Variants in RALYL observed in about 807,000 individuals in gnomAD.
The protein encoded by RALYL is RALY RNA binding protein like, also known as RNA-binding Raly-like protein.
In RALYL, 29 loss-of-function variants were observed where a neutral mutation model predicts 35.1. The ratio of observed to expected loss-of-function variants is 0.83; its 90% CI spans 0.61 to 1.13. The LOEUF is 1.13. Ranked by LOEUF, RALYL falls within the 50% of genes most tolerant of loss-of-function variation. The pLI, the probability that RALYL is intolerant of heterozygous loss-of-function variation, is 0.00. For synonymous variants in RALYL, 120 were observed against 127.6 expected, an observed-to-expected ratio of 0.94 and a Z score of 0.40; for missense variants, 359 against 360.4, an observed-to-expected ratio of 1.00 and a Z score of 0.03.
At chr8:84,730,384 T>G (rs998055373) in intron 2 of RALYL, among the ~76,000 whole-genome samples, 1 of 152,156 alleles carries the variant, frequency 6.6e-6, no homozygotes. Flanking sequence ...GGGATGTATC[T>G]CAAAATAATA....
rs370575816 is a variant in RALYL, at chr8:84,608,932, CT to C, written c.256+79364del. On this transcript the variant is annotated intron_variant, in intron 2 of 8. Transcript: ENST00000521268. Reference sequence around the variant, plus strand: ...CTCAAAGAGTGTAACATCTAATAGGCTTTTTTTTTCTTTTTTGTAAATGTGG... The same window carrying C: ...CTCAAAGAGTGTAACATCTAATAGGCTTTTTTTTCTTTTTTGTAAATGTGG... Among the ~76,000 whole-genome samples the C allele has an allele frequency of 1.2e-3, 180 of 151,416 alleles. 1 individual carries two copies. Among genetic ancestry groups the C allele is most frequent in the African/African-American group, 4.0e-3 (165 of 41,242 alleles).
intron 1 of RALYL, among the ~76,000 whole-genome samples, chr8:84,185,395 C>T (rs2130798108): frequency 6.6e-6 from 1 of 152,274 alleles, no homozygotes; most frequent in African/African-American, 2.4e-5. Context: ...GTTGGTAGCA[C>T]TGACGTATTC....
At chr8:84,380,057 TTGTGTGTGTGTG>T (rs60900204) in intron 1 of RALYL, among the ~76,000 whole-genome samples, 10 of 147,116 alleles carry the variant, frequency 6.8e-5, no homozygotes, top group African/African-American at 2.5e-4. Context: ...CTTCTCAAAA[TTGTGTGTGTGTG>T]TGTGTGTGTG....
intron 2 of RALYL, among the ~76,000 whole-genome samples, chr8:84,541,792 A>G (rs1051748821): frequency 6.6e-5 from 10 of 152,100 alleles, no homozygotes; most frequent in Non-Finnish European, 1.5e-5. Flanking sequence ...ATCCTTTCAT[A>G]TAGTATGATA....
intron 2 of RALYL, among the ~76,000 whole-genome samples, chr8:84,640,643 A>G (rs1439046824): frequency 6.6e-6 from 1 of 151,944 alleles, no homozygotes; most frequent in Non-Finnish European, 1.5e-5. Flanking sequence ...TCAGGCCACA[A>G]CAATAGTTAC....
chr8:84,337,683 G>A (rs1428141955), intron 1 of RALYL, among the ~76,000 whole-genome samples: 5 of 152,036 alleles, frequency 3.3e-5, no homozygotes, highest in African/African-American at 1.2e-4. Flanking sequence ...AGTCATTTTT[G>A]ATGTGGAATA....
chr8:84,872,477 A>C (rs1473279321), intron 6 of RALYL: 2 of 152,202 alleles, frequency 1.3e-5, no homozygotes, highest in African/African-American at 4.8e-5. Context: ...TTCTTTCCTT[A>C]AGCCTTTTTC....
chr8:84,716,653 C>CT (rs1195598498), intron 2 of RALYL, among the ~76,000 whole-genome samples: 1 of 152,128 alleles, frequency 6.6e-6, no homozygotes, highest in African/African-American at 2.4e-5. Context: ...CCTAAAGAAG[C>CT]TGTACCAGTA....
chr8:84,738,724 A>G (rs1191043520), intron 2 of RALYL, among the ~76,000 whole-genome samples: 1 of 152,030 alleles, frequency 6.6e-6, no homozygotes, highest in Non-Finnish European at 1.5e-5. Flanking sequence ...CCATAACTCT[A>G]GATATCTTGA....
intron 8 of RALYL, among the ~76,000 whole-genome samples, chr8:84,917,117 T>C (rs1254083127): frequency 6.6e-6 from 1 of 152,188 alleles, no homozygotes; most frequent in Non-Finnish European, 1.5e-5. Flanking sequence ...TTTTTATCTT[T>C]CCATTTCTGT....
intron 2 of RALYL, among the ~76,000 whole-genome samples, chr8:84,683,465 G>A (rs1168805171): frequency 6.6e-6 from 1 of 152,060 alleles, no homozygotes; most frequent in East Asian, 1.9e-4. Flanking sequence ...CATTATTATA[G>A]TGTAGCAGTC....
intron 1 of RALYL, among the ~76,000 whole-genome samples, chr8:84,512,813 C>T (rs955442593): frequency 6.6e-6 from 1 of 152,110 alleles, no homozygotes; most frequent in Non-Finnish European, 1.5e-5. Flanking sequence ...GTTCTGGCAC[C>T]TTTGTTGAAA....
rs189603245 is a variant in RALYL, at chr8:84,388,477, A to G, written c.-23-140822A>G. On this transcript the variant is annotated intron_variant, in intron 1 of 8. Coordinates refer to ENST00000521268, the MANE Select transcript of RALYL (RefSeq NM_173848.7). ...CCACCAACAGTGTAAAAGTGTTTCTATTTCTCCACATCCTCTCCAGCACCT... is the reference window on the plus strand; with the variant it reads ...CCACCAACAGTGTAAAAGTGTTTCTGTTTCTCCACATCCTCTCCAGCACCT... 3.9e-5 allele frequency among the ~76,000 whole-genome samples: 6 copies of G among 152,206 alleles called. No individual in the cohort carries two copies. In the East Asian group the frequency reaches 5.8e-4, roughly 15 times the overall value.
intron 2 of RALYL, among the ~76,000 whole-genome samples, chr8:84,742,945 G>A (rs1333717414): frequency 6.6e-6 from 1 of 150,654 alleles, no homozygotes; most frequent in Non-Finnish European, 1.5e-5. Flanking sequence ...ATCCTTGAAT[G>A]TGAGATCCTT....
chr8:84,362,882 T>C (rs1391526080), intron 1 of RALYL, among the ~76,000 whole-genome samples: 1 of 152,192 alleles, frequency 6.6e-6, no homozygotes, highest in East Asian at 1.9e-4. Flanking sequence ...AGAACCACAA[T>C]GTGTGGTTTA....
intron 1 of RALYL, among the ~76,000 whole-genome samples, chr8:84,312,723 G>C (rs1028474682): frequency 6.6e-6 from 1 of 152,230 alleles, no homozygotes; most frequent in Non-Finnish European, 1.5e-5. Context: ...TGCCCCTGTG[G>C]CTCCAGAGTG....
intron 2 of RALYL, among the ~76,000 whole-genome samples, chr8:84,668,053 T>C (rs560997038): frequency 2.0e-5 from 3 of 152,266 alleles, no homozygotes; most frequent in East Asian, 3.9e-4. Context: ...TTGCAGGCTC[T>C]TTCTCCATGG....
At chr8:84,210,042 T>C (rs990112656) in intron 1 of RALYL, among the ~76,000 whole-genome samples, 2 of 152,150 alleles carry the variant, frequency 1.3e-5, no homozygotes, top group African/African-American at 2.4e-5. Flanking sequence ...AGAGGACTAG[T>C]GACAGCATCA....
intron 1 of RALYL, among the ~76,000 whole-genome samples, chr8:84,457,667 T>C (rs1262747230): frequency 2.6e-5 from 4 of 151,882 alleles, no homozygotes; most frequent in Admixed American, 2.0e-4. Context: ...TTAACCTCAG[T>C]ATTAATCCTG....
Sources: gnomAD v4.1 joint callset for allele counts (sites outside exome capture counted in the v4.1 genomes callset) on GRCh38, gnomAD v4.1.1 for gene constraint, MANE v1.5 for transcripts, NCBI Gene and HGNC (gene_info 2026-07-23, HGNC 2026-07-21) for gene names.